The following ROBO1 variants were observed in gnomAD, a reference collection of about 807,000 sequenced individuals.
ROBO1 encodes roundabout homolog 1.
Under a neutral mutation model 195.9 loss-of-function variants are expected in ROBO1, and 149 were observed. The ratio of observed to expected loss-of-function variants is 0.76; its 90% CI spans 0.67 to 0.87. The LOEUF (loss-of-function observed/expected upper bound fraction) is 0.87, where lower values mean the gene tolerates loss of function less well. Ranked by LOEUF, ROBO1 falls within the 40% of genes least tolerant of loss-of-function variation. The pLI, the probability that ROBO1 is intolerant of heterozygous loss-of-function variation, is 0.00. For missense variants in ROBO1, 1,933 were observed against 2,068.3 expected, an observed-to-expected ratio of 0.93 and a Z score of 1.27; for synonymous variants, 816 against 733.2, an observed-to-expected ratio of 1.11 and a Z score of -1.82.
chr3:79,623,184 AT>A (rs1945063685), intron 1 of ROBO1, among the ~76,000 whole-genome samples: 1 of 152,158 alleles, frequency 6.6e-6, no homozygotes, highest in African/African-American at 2.4e-5. Context: ...CAATAACTCC[AT>A]CCAAGTGTCA....
intron 3 of ROBO1, among the ~76,000 whole-genome samples, chr3:78,949,956 A>G (rs553980257): frequency 6.6e-6 from 1 of 152,328 alleles, no homozygotes; most frequent in African/African-American, 2.4e-5. Context: ...CAAAACTATA[A>G]TGAGATACCA....
intron 25 of ROBO1, among the ~76,000 whole-genome samples, chr3:78,630,896 C>T (rs1550728): frequency 0.033 from 4,970 of 152,226 alleles, 102 homozygotes; most frequent in Non-Finnish European, 0.052. Context: ...TACGTATACA[C>T]ACACAGGATA....
intron 4 of ROBO1, among the ~76,000 whole-genome samples, chr3:78,903,871 T>C (rs2037735657): frequency 6.6e-6 from 1 of 152,122 alleles, no homozygotes; most frequent in Non-Finnish European, 1.5e-5. Flanking sequence ...CCACACTGTC[T>C]TGGTACAAAT....
At chr3:79,336,399 G>T (rs2034667248) in intron 2 of ROBO1, among the ~76,000 whole-genome samples, 1 of 152,230 alleles carries the variant, frequency 6.6e-6, no homozygotes, top group Non-Finnish European at 1.5e-5. Context: ...TTCAGCTCCA[G>T]CTGTGGCTGA....
At chr3:79,395,340 A>AAAAAAAAG (rs71631648) in intron 2 of ROBO1, among the ~76,000 whole-genome samples, 544 of 118,782 alleles carry the variant, frequency 4.6e-3, no homozygotes, top group Non-Finnish European at 6.8e-3. Flanking sequence ...AAAAAAAAAA[A>AAAAAAAAG]AAAGAAAGAA....
At chr3:79,767,533 C>T (rs1310072527) in intron 1 of ROBO1, among the ~76,000 whole-genome samples, 1 of 152,198 alleles carries the variant, frequency 6.6e-6, no homozygotes, top group Non-Finnish European at 1.5e-5. Flanking sequence ...CTTGTTGAAT[C>T]CCTCCCGATC....
At chr3:79,552,293 C>A (rs1206045729) in intron 2 of ROBO1, among the ~76,000 whole-genome samples, 2 of 151,982 alleles carry the variant, frequency 1.3e-5, no homozygotes, top group South Asian at 2.1e-4. Flanking sequence ...AAGATGCACA[C>A]ATTTTCTTAT....
chr3:79,234,022 GTTTTAATGCAGTTGTTT>G (rs149051400), intron 2 of ROBO1, among the ~76,000 whole-genome samples: 7,753 of 151,760 alleles, frequency 0.051, 307 homozygotes, highest in African/African-American at 0.11. Flanking sequence ...TTTTGCCCAC[GTTTTAATGCAGTTGTTT>G]TTTGCTTATT....
At chr3:79,274,613 C>T (rs971208676) in intron 2 of ROBO1, among the ~76,000 whole-genome samples, 1 of 151,444 alleles carries the variant, frequency 6.6e-6, no homozygotes, top group African/African-American at 2.4e-5. Flanking sequence ...GCCAACCCAC[C>T]CAAAATTAGT....
chr3:79,550,195 G>GAAAGAAAGAAAGGAAAGAAAGAAAAAA, intron 2 of ROBO1, among the ~76,000 whole-genome samples: 2 of 100,812 alleles, frequency 2.0e-5, no homozygotes, highest in South Asian at 3.3e-4. Flanking sequence ...AAGAAAGAAA[G>GAAAGAAAGAAAGGAAAGAAAGAAAAAA]GAAAAGAAAA....
chr3:79,297,405 A>G (rs2032650789), intron 2 of ROBO1, among the ~76,000 whole-genome samples: 1 of 152,138 alleles, frequency 6.6e-6, no homozygotes, highest in African/African-American at 2.4e-5. Flanking sequence ...TGACTTTTGC[A>G]AAACTGTGAG....
At chr3:79,354,110 G>T (rs1334913215) in intron 2 of ROBO1, among the ~76,000 whole-genome samples, 1 of 151,882 alleles carries the variant, frequency 6.6e-6, no homozygotes, top group East Asian at 1.9e-4. Flanking sequence ...TACTGTTGCT[G>T]CTGCCACATC....
chr3:78,931,459 T>C (rs2039528472), intron 4 of ROBO1, among the ~76,000 whole-genome samples: 1 of 151,940 alleles, frequency 6.6e-6, no homozygotes, highest in Non-Finnish European at 1.5e-5. Flanking sequence ...ATGGTCAGGC[T>C]GGTGTCGAAG....
In ROBO1 at chr3:79,110,451, G is replaced by A. The variant is rs1383520272; in HGVS notation, c.172+15005C>T. On this transcript the variant is annotated intron_variant, in intron 3 of 30. Transcript: ENST00000464233. Reference sequence around the variant, plus strand: ...GCCTAAGTTCTTTTCTTTCTCCAGCGATTTTGTAAACACCCAATTGACCGA... The same window carrying A: ...GCCTAAGTTCTTTTCTTTCTCCAGCAATTTTGTAAACACCCAATTGACCGA... Among the ~76,000 whole-genome samples the A allele has an allele frequency of 3.3e-5, 5 of 151,580 alleles. No individual in the cohort carries two copies. In the East Asian group the frequency reaches 7.8e-4, roughly 24 times the overall value.
intron 2 of ROBO1, among the ~76,000 whole-genome samples, chr3:79,506,310 A>AC (rs370885692): frequency 2.0e-5 from 3 of 152,184 alleles, no homozygotes; most frequent in African/African-American, 7.2e-5. Context: ...AAGATGCCTA[A>AC]CCAGCAACGG....
At chr3:79,491,414 T>A (rs1441529785) in intron 2 of ROBO1, among the ~76,000 whole-genome samples, 1 of 152,082 alleles carries the variant, frequency 6.6e-6, no homozygotes, top group African/African-American at 2.4e-5. Flanking sequence ...CCAGGGAGCT[T>A]CCCTACAACT....
At chr3:79,732,330 A>G (rs1241669406) in intron 1 of ROBO1, among the ~76,000 whole-genome samples, 2 of 151,860 alleles carry the variant, frequency 1.3e-5, no homozygotes, top group African/African-American at 2.4e-5. Context: ...TATATATCAC[A>G]TATAAAATTT....
At chr3:78,795,144 C>T (rs1293380074) in intron 4 of ROBO1, among the ~76,000 whole-genome samples, 2 of 152,078 alleles carry the variant, frequency 1.3e-5, no homozygotes, top group Non-Finnish European at 2.9e-5. Context: ...CCAATACCTA[C>T]CCTAGATAAT....
At chr3:79,761,258 A>T (rs112642940) in intron 1 of ROBO1, among the ~76,000 whole-genome samples, 27 of 150,862 alleles carry the variant, frequency 1.8e-4, no homozygotes, top group African/African-American at 5.8e-4. Flanking sequence ...AATCATAAAA[A>T]AATATTTCCA....
Sources: allele counts gnomAD v4.1 joint callset (sites outside exome capture counted in the v4.1 genomes callset), GRCh38; gene constraint gnomAD v4.1.1; transcripts MANE v1.5; gene names NCBI Gene and HGNC (gene_info 2026-07-23, HGNC 2026-07-21).